HOOK3: variants seen among roughly 807,000 people sequenced by gnomAD.
The protein encoded by HOOK3 is protein Hook homolog 3.
In HOOK3, 24 loss-of-function variants were observed where a neutral mutation model predicts 116.3. That is an observed-to-expected ratio of 0.21 (90% confidence interval 0.15 to 0.29). HOOK3 has a LOEUF of 0.29. Ranked by LOEUF, HOOK3 falls within the 10% of genes least tolerant of loss-of-function variation. The pLI is 1.00. For synonymous variants in HOOK3, 275 were observed against 283.0 expected, an observed-to-expected ratio of 0.97 and a Z score of 0.28; for missense variants, 632 against 830.2, an observed-to-expected ratio of 0.76 and a Z score of 2.93.
Position 42,997,621 on chromosome 8 carries a change from G to A in HOOK3, c.1604G>A (p.Gly535Asp), listed in dbSNP as rs778253508. The change falls in exon 16 of 22, where the codon GGC becomes GAC. Residue 535 changes from glycine (G) to aspartate (D), a missense_variant. Around this residue, in one of 3 missense-constraint regions of HOOK3, gnomAD observed 483 missense variants for 648.1 expected, o/e 0.75. Coordinates refer to ENST00000307602, the MANE Select transcript of HOOK3 (RefSeq NM_032410.4). ...TTACAAAAATCTTTACAGGATCAAGGCTCAAAAGCAGAAGATGTAAGTTTT... is the reference window on the plus strand; with the variant it reads ...TTACAAAAATCTTTACAGGATCAAGACTCAAAAGCAGAAGATGTAAGTTTT... The part of the protein sequence containing the change: ...EELQKSLQDQ[G>D]SKAEDSVLLK... 2.5e-6 allele frequency: 4 copies of A among 1,599,000 alleles called. No individual in the cohort carries two copies. Among genetic ancestry groups the A allele is most frequent in the Non-Finnish European group, 3.4e-6 (4 of 1,166,590 alleles).
chr8:43,013,998 A>G (rs1809659983), intron 21 of HOOK3, among the ~76,000 whole-genome samples: 1 of 152,134 alleles, frequency 6.6e-6, no homozygotes, highest in Non-Finnish European at 1.5e-5. Flanking sequence ...CTTTTAAAAA[A>G]TGTTAGTTGG....
Position 43,025,288 on chromosome 8 carries a change from G to T in HOOK3, c.*6790G>T, listed in dbSNP as rs1809913279. ...AGTAATACTCTGTAAGACTCGGTTT[G>T]CATGCTGTGTGTGTTTGCATGAGTA... On this transcript the variant is annotated 3_prime_UTR_variant, in exon 22 of 22. Transcript: ENST00000307602. 1.4e-5 allele frequency: 3 copies of T among 209,806 alleles called. No individual in the cohort carries two copies. The highest frequency in any genetic ancestry group is 7.2e-5 in the East Asian group (1 of 13,806). 13.0% of individuals were successfully genotyped at this position (209,806 alleles called of 1,614,324 possible).
chr8:42,953,541 G>T (rs959976263), intron 6 of HOOK3, among the ~76,000 whole-genome samples: 42 of 151,334 alleles, frequency 2.8e-4, no homozygotes, highest in Non-Finnish European at 2.5e-4. Context: ...TCCAGCCTGG[G>T]TGATAGTGCC....
chr8:42,984,261 G>A (rs1439358491), intron 14 of HOOK3, among the ~76,000 whole-genome samples: 3 of 151,718 alleles, frequency 2.0e-5, no homozygotes, highest in African/African-American at 7.3e-5. Context: ...CCAGCTACTC[G>A]GGAGGGTGAG....
chr8:42,971,534 G>T (rs1398133354), intron 11 of HOOK3, among the ~76,000 whole-genome samples: 3 of 152,208 alleles, frequency 2.0e-5, no homozygotes, highest in Non-Finnish European at 4.4e-5. Context: ...CTCCCAAAGT[G>T]CTGGGATTAC....
At position 43,025,422 on chromosome 8, in the gene HOOK3, G is replaced by A. The variant is rs910358210; in HGVS notation, c.*6924G>A. On this transcript the variant is annotated 3_prime_UTR_variant, in exon 22 of 22. Coordinates refer to ENST00000307602, the MANE Select transcript of HOOK3 (RefSeq NM_032410.4). ...CTAATTATAAACAAATATGCAGGCA[G>A]AGGGAAGTCCTAATACAATGAAAAC... 9.3e-6 allele frequency: 2 copies of A among 214,616 alleles called. No individual in the cohort carries two copies. The highest frequency in any genetic ancestry group is 5.8e-5 in the Admixed American group (1 of 17,152). The allele number at this position is 214,616 out of a possible 1,614,324, so 13.3% of individuals were successfully genotyped here. A position where few individuals can be genotyped will look rare whatever the true frequency, so the allele number is the denominator to read the frequency against.
In HOOK3 at chr8:43,015,866, C is replaced by T. The variant is rs191278791; in HGVS notation, c.2016+2466C>T. ...CCGAGTAACTGGGGTTACAGGCGCCCGCCACCACGCCTGGCTAATTTTTGT... is the reference window on the plus strand; with the variant it reads ...CCGAGTAACTGGGGTTACAGGCGCCTGCCACCACGCCTGGCTAATTTTTGT... On this transcript the variant is annotated intron_variant, in intron 21 of 21. Transcript: ENST00000307602. Among the ~76,000 whole-genome samples, 480 of 151,920 alleles carry T rather than the reference C, an allele frequency of 3.2e-3. 3 individuals carry two copies. The highest frequency in any genetic ancestry group is 6.8e-3 in the Middle Eastern group (2 of 292).
In HOOK3 at chr8:43,021,996, C is replaced by T. The variant is rs1166586051; in HGVS notation, c.*3498C>T. 5.5e-6 allele frequency: 1 copy of T among 180,948 alleles called. No homozygotes were observed. The highest frequency in any genetic ancestry group is 1.2e-5 in the Non-Finnish European group (1 of 85,418). 11.2% of individuals were successfully genotyped at this position (180,948 alleles called of 1,614,324 possible). ...CATTTATAATTTTCATTCTCTTTTA[C>T]CTATAAAATTCAGTGTATTAGTTTC... On this transcript the variant is annotated 3_prime_UTR_variant, in exon 22 of 22. Transcript: ENST00000307602.
chr8:42,947,643 G>A (rs890176114), intron 5 of HOOK3, among the ~76,000 whole-genome samples: 3 of 152,204 alleles, frequency 2.0e-5, no homozygotes, highest in South Asian at 2.1e-4. Context: ...CAGGAACATA[G>A]TAGAGTGCTA....
chr8:43,018,580 C>A lies in HOOK3; in HGVS notation c.*82C>A. On this transcript the variant is annotated 3_prime_UTR_variant, in exon 22 of 22. Coordinates refer to ENST00000307602, the MANE Select transcript of HOOK3 (RefSeq NM_032410.4). ...ACAAGAACATTTCAGGAAACTCAGCCAGCTTATTTTTTGTTTCTCTTCTAT... is the reference window on the plus strand; with the variant it reads ...ACAAGAACATTTCAGGAAACTCAGCAAGCTTATTTTTTGTTTCTCTTCTAT... 1 of 1,362,796 alleles carries A rather than the reference C, an allele frequency of 7.3e-7. No individual in the cohort carries two copies. The highest frequency in any genetic ancestry group is 9.7e-7 in the Non-Finnish European group (1 of 1,034,750). The allele number at this position is 1,362,796 out of a possible 1,614,324, so 84.4% of individuals were successfully genotyped here. A position where few individuals can be genotyped will look rare whatever the true frequency, so the allele number is the denominator to read the frequency against.
rs11987452 is a variant in HOOK3, at chr8:43,025,754, G to C, written c.*7256G>C. 0.039 allele frequency: 8,510 copies of C among 215,996 alleles called. 367 individuals carry two copies. Among genetic ancestry groups the C allele is most frequent in the African/African-American group, 0.12 (5,218 of 44,412 alleles). The allele number at this position is 215,996 out of a possible 1,614,324, so 13.4% of individuals were successfully genotyped here. On this transcript the variant is annotated 3_prime_UTR_variant, in exon 22 of 22. Coordinates refer to ENST00000307602, the MANE Select transcript of HOOK3 (RefSeq NM_032410.4). ...GTGGCTGAAAATCGTGACCAACTTG[G>C]TGTTATCTAGATCTGCTTTATCTAG... is the stretch of plus-strand genomic sequence containing the variant.
chr8:42,980,041 G>A (rs1808909207), intron 13 of HOOK3, among the ~76,000 whole-genome samples: 2 of 146,846 alleles, frequency 1.4e-5, no homozygotes, highest in South Asian at 4.3e-4. Context: ...TCTGCTCACT[G>A]CAACCTCCAC....
intron 2 of HOOK3, among the ~76,000 whole-genome samples, chr8:42,910,482 G>A (rs935476058): frequency 1.3e-5 from 2 of 152,006 alleles, no homozygotes; most frequent in South Asian, 2.1e-4. Flanking sequence ...GAACTTTCCA[G>A]CTCCTCGCTA....
chr8:42,976,062 GTA>G (rs1554513746), intron 13 of HOOK3, among the ~76,000 whole-genome samples: 12 of 150,260 alleles, frequency 8.0e-5, no homozygotes, highest in African/African-American at 1.0e-4. Context: ...GTGTGTGTGT[GTA>G]TATATATGTA....
At chr8:42,933,631 G>T (rs922785540) in intron 4 of HOOK3, among the ~76,000 whole-genome samples, 1 of 152,036 alleles carries the variant, frequency 6.6e-6, no homozygotes, top group South Asian at 2.1e-4. Context: ...TTACTTTCAT[G>T]TTTTGGTAGA....
At chr8:42,917,428 G>T (rs905683391) in intron 2 of HOOK3, among the ~76,000 whole-genome samples, 1 of 152,106 alleles carries the variant, frequency 6.6e-6, no homozygotes, top group Non-Finnish European at 1.5e-5. Flanking sequence ...CTAATAAATC[G>T]GTTGGTTCCT....
intron 8 of HOOK3, 87 bp downstream of exon 8, chr8:42,959,401 C>G: frequency 1.2e-6 from 1 of 867,340 alleles, no homozygotes; most frequent in Non-Finnish European, 1.8e-6. Flanking sequence ...TACAGTACAT[C>G]TTAACTATAA....
chr8:42,996,836 T>C (rs1422791797), intron 15 of HOOK3, among the ~76,000 whole-genome samples: 1 of 152,076 alleles, frequency 6.6e-6, no homozygotes, highest in Non-Finnish European at 1.5e-5. Flanking sequence ...TCTGATTGTA[T>C]TTTATTTGTT....
rs554941430 is a variant in HOOK3 at position 42,928,816 on chromosome 8, C to T, written c.217-1306C>T. Among the ~76,000 whole-genome samples, 7 of 152,206 alleles carry T rather than the reference C, an allele frequency of 4.6e-5. 1 individual carries two copies. In the South Asian group the frequency reaches 1.0e-3, roughly 23 times the overall value. On this transcript the variant is annotated intron_variant, in intron 3 of 21. Transcript: ENST00000307602. ...CAACATTTTGGGAGGCCAAGGTGGG[C>T]GAATCACCTGAGGTCAGAAGTTCGA...
Sources: gnomAD v4.1 joint callset for allele counts (sites outside exome capture counted in the v4.1 genomes callset) on GRCh38, gnomAD v4.1.1 for gene constraint, gnomAD v4.1.1 regional missense constraint, MANE v1.5 for transcripts, NCBI Gene and HGNC (gene_info 2026-07-23, HGNC 2026-07-21) for gene names.